The following NTNG1 variants were observed in gnomAD, a reference collection of about 807,000 sequenced individuals.
NTNG1 encodes the protein netrin-G1.
NTNG1 carries 16 observed loss-of-function variants against 54.0 expected under a neutral mutation model. The observed-to-expected ratio is 0.30, with a 90% CI of 0.20 to 0.45. NTNG1 has a LOEUF of 0.45. NTNG1 is among the 20% of genes least tolerant of loss of function. The probability of loss-of-function intolerance (pLI) is 1.00; values close to 1 mark genes in which losing one functional copy is unlikely to be tolerated. For missense variants in NTNG1, 530 were observed against 678.7 expected (o/e 0.78, Z 2.43); for synonymous variants, 255 against 263.1 (o/e 0.97, Z 0.30).
chr1:107,366,722 A>T lies in NTNG1; in HGVS notation c.888-28432A>T, dbSNP rs574612505. On this transcript the variant is annotated intron_variant, in intron 3 of 7. Coordinates refer to ENST00000370068, the MANE Select transcript of NTNG1 (RefSeq NM_001113226.3). ...TTCTAGACTGAAATGATGCAGAATT[A>T]ACTCATCTATTAGGGATGTAGGATG... 9.8e-5 allele frequency among the ~76,000 whole-genome samples: 15 copies of T among 152,376 alleles called. No homozygotes were observed. The East Asian group carries it at 2.9e-3, about 29-fold the overall frequency.
intron 2 of NTNG1, among the ~76,000 whole-genome samples, chr1:107,281,350 A>G (rs1441910468): frequency 6.6e-6 from 1 of 151,550 alleles, no homozygotes; most frequent in African/African-American, 2.4e-5. Flanking sequence ...TATATTTAGC[A>G]GGGATTTTTT....
At chr1:107,173,437 C>A (rs923037490) in intron 2 of NTNG1, among the ~76,000 whole-genome samples, 18 of 152,020 alleles carry the variant, frequency 1.2e-4, no homozygotes, top group African/African-American at 4.3e-4. Context: ...TTGCTTGAGG[C>A]AGGGAAGAAG....
At chr1:107,232,104 A>G (rs1480617608) in intron 2 of NTNG1, among the ~76,000 whole-genome samples, 3 of 152,200 alleles carry the variant, frequency 2.0e-5, no homozygotes, top group African/African-American at 7.2e-5. Flanking sequence ...TCTTAAGTCA[A>G]GGTGAATAGA....
intron 3 of NTNG1, among the ~76,000 whole-genome samples, chr1:107,386,165 A>AT (rs71098628): frequency 0.066 from 7,934 of 120,604 alleles, 381 homozygotes; most frequent in Non-Finnish European, 0.085. Context: ...ATATATATAT[A>AT]TTTTTTTTTT....
rs545674795 is a variant in NTNG1 at position 107,243,230 on chromosome 1, AACATT to A, written c.247-81051_247-81047del. 3.1e-3 allele frequency among the ~76,000 whole-genome samples: 468 copies of A among 152,326 alleles called. 1 individual carries two copies. Among genetic ancestry groups the A allele is most frequent in the Non-Finnish European group, 4.2e-3 (285 of 68,030 alleles). On this transcript the variant is annotated intron_variant, in intron 2 of 7. Coordinates refer to ENST00000370068, the MANE Select transcript of NTNG1 (RefSeq NM_001113226.3). Reference sequence around the variant, plus strand: ...AACATCAGTGGTTGAATTGAATTTGAACATTGCTAGAAAAAAAGCAGAAAGTTTTG... The same window carrying A: ...AACATCAGTGGTTGAATTGAATTTGAGCTAGAAAAAAAGCAGAAAGTTTTG...
chr1:107,421,358 T>G (rs1258194935), intron 5 of NTNG1, among the ~76,000 whole-genome samples: 1 of 152,076 alleles, frequency 6.6e-6, no homozygotes, highest in Non-Finnish European at 1.5e-5. Context: ...AAATGTTACA[T>G]TTGTTTTCTG....
chr1:107,484,311 G>C lies in NTNG1; in HGVS notation c.*3471G>C, dbSNP rs1258482726. On this transcript the variant is annotated 3_prime_UTR_variant, in exon 8 of 8. Coordinates refer to ENST00000370068, the MANE Select transcript of NTNG1 (RefSeq NM_001113226.3). Reference sequence around the variant, plus strand: ...ATAGACAAGGGCTACCACGAGGCTGGGGGCCAGTACAGAACACTGAACAGT... The same window carrying C: ...ATAGACAAGGGCTACCACGAGGCTGCGGGCCAGTACAGAACACTGAACAGT... 6.6e-6 allele frequency among the ~76,000 whole-genome samples: 1 copy of C among 152,206 alleles called. No homozygotes were observed. The highest frequency in any genetic ancestry group is 1.5e-5 in the Non-Finnish European group (1 of 68,042).
intron 3 of NTNG1, among the ~76,000 whole-genome samples, chr1:107,388,642 T>A (rs934627899): frequency 6.6e-6 from 1 of 152,202 alleles, no homozygotes; most frequent in African/African-American, 2.4e-5. Context: ...TGTTTAGTTG[T>A]TGATTTGTTA....
chr1:107,318,220 C>G (rs1279378049), intron 2 of NTNG1, among the ~76,000 whole-genome samples: 2 of 152,110 alleles, frequency 1.3e-5, no homozygotes, highest in Non-Finnish European at 2.9e-5. Context: ...TTAGACCTGT[C>G]CCGCCTGGGA....
At chr1:107,190,966 G>C (rs1657868806) in intron 2 of NTNG1, among the ~76,000 whole-genome samples, 1 of 152,070 alleles carries the variant, frequency 6.6e-6, no homozygotes, top group South Asian at 2.1e-4. Flanking sequence ...TGGGTCAAAT[G>C]GTATTTCTAG....
intron 3 of NTNG1, among the ~76,000 whole-genome samples, chr1:107,367,174 AT>A (rs1450342030): frequency 5.9e-5 from 9 of 152,152 alleles, no homozygotes; most frequent in African/African-American, 2.2e-4. Flanking sequence ...TCCTACAGAT[AT>A]AACAGGCAAA....
chr1:107,433,779 G>C (rs1356313749), intron 6 of NTNG1, among the ~76,000 whole-genome samples: 1 of 152,152 alleles, frequency 6.6e-6, no homozygotes, highest in Non-Finnish European at 1.5e-5. Context: ...TACCCTGCTT[G>C]AGGCGCTGAG....
chr1:107,320,559 TC>T (rs1377553163), intron 2 of NTNG1, among the ~76,000 whole-genome samples: 1 of 152,008 alleles, frequency 6.6e-6, no homozygotes, highest in Non-Finnish European at 1.5e-5. Context: ...GTATTACAGA[TC>T]ACGCCCTGTG....
chr1:107,310,277 A>T (rs1240521160), intron 2 of NTNG1, among the ~76,000 whole-genome samples: 1 of 152,074 alleles, frequency 6.6e-6, no homozygotes. Flanking sequence ...TTTTATTTCC[A>T]TTTATCAAAG....
intron 5 of NTNG1, 84 bp from the exon 6 acceptor site, chr1:107,430,666 A>G (rs750636248): frequency 7.4e-7 from 1 of 1,354,088 alleles, no homozygotes; most frequent in East Asian, 2.3e-5. Context: ...TCTTTTCTCC[A>G]TCCCTCATTT....
intron 2 of NTNG1, among the ~76,000 whole-genome samples, chr1:107,273,334 G>T (rs1281828692): frequency 6.6e-6 from 1 of 152,170 alleles, no homozygotes; most frequent in Admixed American, 6.5e-5. Flanking sequence ...AGAATGTATT[G>T]GCTTGTGAAT....
At chr1:107,354,393 C>T (rs770003860) in intron 3 of NTNG1, among the ~76,000 whole-genome samples, 3 of 147,678 alleles carry the variant, frequency 2.0e-5, no homozygotes, top group Non-Finnish European at 3.0e-5. Flanking sequence ...CGCTTGAACC[C>T]GGGAGGTGGA....
chr1:107,350,549 A>G (rs923139183), intron 3 of NTNG1, among the ~76,000 whole-genome samples: 4 of 152,214 alleles, frequency 2.6e-5, no homozygotes, highest in Non-Finnish European at 5.9e-5. Flanking sequence ...TCCCTTGTTC[A>G]CTGCAGCATT....
chr1:107,169,815 A>C (rs758069272), intron 2 of NTNG1, among the ~76,000 whole-genome samples: 15 of 152,206 alleles, frequency 9.9e-5, no homozygotes, highest in Non-Finnish European at 2.1e-4. Flanking sequence ...GGAGATGTAC[A>C]TTAAGAGATG....
Sources: allele counts gnomAD v4.1 joint callset (sites outside exome capture counted in the v4.1 genomes callset), GRCh38; gene constraint gnomAD v4.1.1; transcripts MANE v1.5; gene names NCBI Gene and HGNC (gene_info 2026-07-23, HGNC 2026-07-21).